CCND2: variants seen among roughly 807,000 people sequenced by gnomAD.
CCND2 encodes the protein cyclin D2, also known as G1/S-specific cyclin-D2.
Under a neutral mutation model 30.2 loss-of-function variants are expected in CCND2, and 6 were observed. The observed-to-expected ratio is 0.20, with a 90% CI of 0.11 to 0.39. CCND2 has a LOEUF of 0.39. Ranked by LOEUF, CCND2 falls within the 10% of genes least tolerant of loss-of-function variation. The pLI, the probability that CCND2 is intolerant of heterozygous loss-of-function variation, is 1.00. For synonymous variants in CCND2, 150 were observed against 153.1 expected (o/e 0.98, Z 0.15); for missense variants, 235 against 373.4 (o/e 0.63, Z 3.06).
At position 4,276,252 on chromosome 12, in the gene CCND2, T is replaced by C; in HGVS notation, c.411+32T>C. ...ACCGGCCCCTTCCTCCCTTCCTTTC[T>C]GCGATTCCCGCTTTCCCCTGGCCAA... On this transcript the variant is annotated intron_variant, in intron 2 of 4. Coordinates refer to ENST00000261254, the MANE Select transcript of CCND2 (RefSeq NM_001759.4). The surrounding 1 kb of genome is among the most constrained non-coding windows in gnomAD (Gnocchi z 4.8). 1 of 1,583,464 alleles carries C rather than the reference T, an allele frequency of 6.3e-7. No homozygotes were observed. The highest frequency in any genetic ancestry group is 8.7e-7 in the Non-Finnish European group (1 of 1,156,026).
rs1053690807 is a variant in CCND2 at position 4,274,430 on chromosome 12, G to A, written c.195+195G>A. Among the ~76,000 whole-genome samples, 2 of 152,238 alleles carry A rather than the reference G, an allele frequency of 1.3e-5. No homozygotes were observed. The highest frequency in any genetic ancestry group is 1.9e-4 in the East Asian group (1 of 5,174). On this transcript the variant is annotated intron_variant, in intron 1 of 4. Transcript: ENST00000261254. This position sits in a 1 kb window ranked among gnomAD's most constrained non-coding sequence, Gnocchi z 7.7. ...CTCCAGATAAACTGGGGAGGCAGAG[G>A]GGGGAGGAAAATCTGGGAGAAGCGA... is the stretch of plus-strand genomic sequence containing the variant.
intron 1 of CCND2, chr12:4,275,584 C>A (rs1217159939): frequency 6.7e-6 from 1 of 150,142 alleles, no homozygotes; most frequent in Non-Finnish European, 1.5e-5. Context: ...ATCTGGGGAT[C>A]CGGATGAGAC....
intron 2 of CCND2, among the ~76,000 whole-genome samples, chr12:4,277,164 TGTG>T (rs1260758831): frequency 6.6e-6 from 1 of 152,156 alleles, no homozygotes; most frequent in African/African-American, 2.4e-5. Context: ...TTGCCGAGAA[TGTG>T]GAGAGGGGCC....
At chr12:4,289,790 C>T (rs1220209359) in intron 4 of CCND2, among the ~76,000 whole-genome samples, 1 of 152,170 alleles carries the variant, frequency 6.6e-6, no homozygotes, top group Non-Finnish European at 1.5e-5. Context: ...TCGTTTTCCA[C>T]GGGCAGGACA....
chr12:4,292,011 A>G (rs1209720353), intron 4 of CCND2, among the ~76,000 whole-genome samples: 1 of 152,094 alleles, frequency 6.6e-6, no homozygotes, highest in Admixed American at 6.5e-5. Flanking sequence ...GGATGATGAA[A>G]ACAATTCTGT....
chr12:4,286,203 C>T (rs368373707), intron 3 of CCND2, among the ~76,000 whole-genome samples: 31 of 152,172 alleles, frequency 2.0e-4, no homozygotes, highest in Admixed American at 2.0e-3. Context: ...ACTTTCTATC[C>T]TACTCTATTT....
Position 4,300,004 on chromosome 12 carries a change from C to A in CCND2, c.865C>A (p.Leu289Met). 6.2e-7 allele frequency: 1 copy of A among 1,613,406 alleles called. No homozygotes were observed. Among genetic ancestry groups the A allele is most frequent in the Non-Finnish European group, 8.5e-7 (1 of 1,179,622 alleles). The stretch of plus-strand genomic sequence containing the variant: ...CCCTACAGACGTGCGGGATATCGAC[C>A]TGTGAGGATGCCAGTTGGGCCGAAA... ...STPTDVRDID[L>M] Residue 289 changes from leucine to methionine, a missense_variant, in exon 5 of 5, where the codon CTG becomes ATG. This residue lies in a region of CCND2 where 57 missense variants were observed against 50.7 expected (regional missense o/e 1.12). Coordinates refer to ENST00000261254, the MANE Select transcript of CCND2 (RefSeq NM_001759.4).
At position 4,274,329 on chromosome 12, in the gene CCND2, G is replaced by T. The variant is rs1322941180; in HGVS notation, c.195+94G>T. ...CTAAACCTGGGAGAGGGCAATCCCC[G>T]CGCCGGCCTCCCGGCTCCTGTGCGG... On this transcript the variant is annotated intron_variant, in intron 1 of 4. Coordinates refer to ENST00000261254, the MANE Select transcript of CCND2 (RefSeq NM_001759.4). This position sits in a 1 kb window ranked among gnomAD's most constrained non-coding sequence, Gnocchi z 7.7. The T allele has an allele frequency of 2.9e-6, 4 of 1,358,116 alleles. No individual in the cohort carries two copies. In the Admixed American group the frequency reaches 6.0e-5, roughly 20 times the overall value. The allele number at this position is 1,358,116 out of a possible 1,614,324, so 84.1% of individuals were successfully genotyped here. A position where few individuals can be genotyped will look rare whatever the true frequency, so the allele number is the denominator to read the frequency against.
intron 1 of CCND2, 26 bp from the exon 2 acceptor site, chr12:4,275,979 C>G (rs1458465988): frequency 7.0e-7 from 1 of 1,428,512 alleles, no homozygotes; most frequent in Admixed American, 1.9e-5. Flanking sequence ...CCCCCGCCCC[C>G]CAACCCTTTC....
rs1297215514 is a variant in CCND2 at position 4,287,571 on chromosome 12, G to A, written c.572-1271G>A. 2.6e-5 allele frequency among the ~76,000 whole-genome samples: 4 copies of A among 152,152 alleles called. No homozygotes were observed. Among genetic ancestry groups the A allele is most frequent in the Admixed American group, 6.5e-5 (1 of 15,274 alleles). On this transcript the variant is annotated intron_variant, in intron 3 of 4. Coordinates refer to ENST00000261254, the MANE Select transcript of CCND2 (RefSeq NM_001759.4). This position sits in a 1 kb window ranked among gnomAD's most constrained non-coding sequence, Gnocchi z 4.0. ...GGAAGACTTGCTGCACTCCAGGACC[G>A]TCACTAGCGTGATGGCTGCAACTAT...
Position 4,300,174 on chromosome 12 carries a change from C to A in CCND2, c.*165C>A. 3.0e-6 allele frequency: 2 copies of A among 657,976 alleles called. No homozygotes were observed. The highest frequency in any genetic ancestry group is 2.5e-6 in the Non-Finnish European group (1 of 406,392). The allele number at this position is 657,976 out of a possible 1,614,324, so 40.8% of individuals were successfully genotyped here. ...TTAGAAGTGAGAGAAAAAGGTCCTACGAAAACGGAATAATAAAAAGCATTT... is the reference window on the plus strand; with the variant it reads ...TTAGAAGTGAGAGAAAAAGGTCCTAAGAAAACGGAATAATAAAAAGCATTT... On this transcript the variant is annotated 3_prime_UTR_variant, in exon 5 of 5. Coordinates refer to ENST00000261254, the MANE Select transcript of CCND2 (RefSeq NM_001759.4).
chr12:4,296,104 G>A (rs935800034), intron 4 of CCND2, among the ~76,000 whole-genome samples: 7 of 152,210 alleles, frequency 4.6e-5, no homozygotes, highest in African/African-American at 1.4e-4. Flanking sequence ...GGGACACTGG[G>A]AACTCCAAAG....
At position 4,273,854 on chromosome 12, in the gene CCND2, AC is replaced by A. The variant is rs1863819804; in HGVS notation, c.-184del. On this transcript the variant is annotated 5_prime_UTR_variant, in exon 1 of 5. Coordinates refer to ENST00000261254, the MANE Select transcript of CCND2 (RefSeq NM_001759.4). This position sits in a 1 kb window ranked among gnomAD's most constrained non-coding sequence, Gnocchi z 5.9. ...AGCCCCGAGGCTCTGCTCGCCCACC[AC>A]CCAATCCTCGCCTCCCTTCTGCTCC... 3.2e-6 allele frequency: 2 copies of A among 630,830 alleles called. No homozygotes were observed. The highest frequency in any genetic ancestry group is 2.7e-6 in the Non-Finnish European group (1 of 365,146). The allele number at this position is 630,830 out of a possible 1,614,324, so 39.1% of individuals were successfully genotyped here. A position where few individuals can be genotyped will look rare whatever the true frequency, so the allele number is the denominator to read the frequency against.
intron 4 of CCND2, among the ~76,000 whole-genome samples, chr12:4,297,447 T>A (rs1175952004): frequency 6.6e-6 from 1 of 151,622 alleles, no homozygotes; most frequent in Non-Finnish European, 1.5e-5. Flanking sequence ...GGCACGTGCC[T>A]ATAATCCCAG....
At position 4,274,143 on chromosome 12, in the gene CCND2, G is replaced by A. The variant is rs1565430722; in HGVS notation, c.103G>A (p.Glu35Lys). The change falls in exon 1 of 5, where the codon GAG becomes AAG. Residue 35 changes from glutamate (E) to lysine (K), a missense_variant. Transcript: ENST00000261254. The surrounding 1 kb of genome is among the most constrained non-coding windows in gnomAD (Gnocchi z 7.7). Reference sequence around the variant, plus strand: ...CCTGCAGAACCTGCTCACCATCGAGGAGCGCTACCTTCCGCAGTGCTCCTA... The same window carrying A: ...CCTGCAGAACCTGCTCACCATCGAGAAGCGCTACCTTCCGCAGTGCTCCTA... ...RVLQNLLTIE[E>K]RYLPQCSYFK... 3 of 1,613,974 alleles carry A rather than the reference G, an allele frequency of 1.9e-6. No homozygotes were observed. Among genetic ancestry groups the A allele is most frequent in the Non-Finnish European group, 2.5e-6 (3 of 1,179,978 alleles).
chr12:4,281,413 T>C (rs1863946708), intron 3 of CCND2, among the ~76,000 whole-genome samples: 1 of 152,166 alleles, frequency 6.6e-6, no homozygotes, highest in Admixed American at 6.5e-5. Flanking sequence ...CAGGGTGTGA[T>C]GAATGGGCAA....
intron 4 of CCND2, among the ~76,000 whole-genome samples, chr12:4,297,588 A>C (rs796084052): frequency 2.0e-5 from 3 of 148,862 alleles, no homozygotes; most frequent in South Asian, 2.1e-4. Flanking sequence ...AAAAAAAAAA[A>C]AAAAAAAAAC....
chr12:4,291,336 G>A (rs1864098862), intron 4 of CCND2, among the ~76,000 whole-genome samples: 1 of 152,014 alleles, frequency 6.6e-6, no homozygotes, highest in Admixed American at 6.6e-5. Flanking sequence ...CTAGAATTTA[G>A]AACACATTAG....
chr12:4,280,428 G>C (rs950073985), intron 3 of CCND2, among the ~76,000 whole-genome samples: 2 of 152,168 alleles, frequency 1.3e-5, no homozygotes, highest in African/African-American at 4.8e-5. Context: ...CTGTAGTCCT[G>C]TTCTCCTGGA....
Sources: allele counts gnomAD v4.1 joint callset (sites outside exome capture counted in the v4.1 genomes callset), GRCh38; gene constraint gnomAD v4.1.1; regional missense constraint gnomAD v4.1.1; non-coding constraint Gnocchi (gnomAD v3.1); transcripts MANE v1.5; gene names NCBI Gene and HGNC (gene_info 2026-07-23, HGNC 2026-07-21).